Variants in ARHGAP24 observed in about 807,000 individuals in gnomAD.
ARHGAP24 encodes rho GTPase-activating protein 24.
A neutral mutation model predicts 76.4 loss-of-function variants in ARHGAP24; 50 were observed. The observed-to-expected ratio is 0.65, with a 90% confidence interval of 0.52 to 0.83. ARHGAP24 has a LOEUF of 0.83. Ranked by LOEUF, ARHGAP24 falls within the 40% of genes least tolerant of loss-of-function variation. The pLI, the probability that ARHGAP24 is intolerant of heterozygous loss-of-function variation, is 0.00. For synonymous variants in ARHGAP24, 345 were observed against 323.3 expected (o/e 1.07, Z -0.72); for missense variants, 930 against 914.2 (o/e 1.02, Z -0.22).
At chr4:85,708,817 A>C (rs1298097559) in intron 2 of ARHGAP24, among the ~76,000 whole-genome samples, 2 of 152,196 alleles carry the variant, frequency 1.3e-5, no homozygotes, top group Non-Finnish European at 2.9e-5. Context: ...TTATCATTTG[A>C]CAAAATAAAT....
chr4:85,927,733 A>G (rs1736094343), intron 4 of ARHGAP24, among the ~76,000 whole-genome samples: 1 of 152,224 alleles, frequency 6.6e-6, no homozygotes, highest in Admixed American at 6.5e-5. Flanking sequence ...TGTTACAAAG[A>G]GGGCATTTCA....
chr4:85,603,403 T>C (rs776002675), intron 2 of ARHGAP24, among the ~76,000 whole-genome samples: 9 of 152,236 alleles, frequency 5.9e-5, no homozygotes, highest in Non-Finnish European at 1.2e-4. Flanking sequence ...TATAAGAGCT[T>C]ACTAACTTTA....
intron 2 of ARHGAP24, among the ~76,000 whole-genome samples, chr4:85,594,128 A>G (rs1354589970): frequency 6.6e-6 from 1 of 151,532 alleles, no homozygotes; most frequent in African/African-American, 2.4e-5. Context: ...CATTTCTTTC[A>G]GCAGTATTTT....
Position 86,000,784 on chromosome 4 carries a change from A to G in ARHGAP24, c.*62A>G. Reference sequence around the variant, plus strand: ...AGGACTCCAGGGATTCTGGTGGGATATGACTTAGAACCAGGTGGCTGGTCA... The same window carrying G: ...AGGACTCCAGGGATTCTGGTGGGATGTGACTTAGAACCAGGTGGCTGGTCA... On this transcript the variant is annotated 3_prime_UTR_variant, in exon 10 of 10. Transcript: ENST00000395184. 1 of 1,609,706 alleles carries G rather than the reference A, an allele frequency of 6.2e-7. No individual in the cohort carries two copies. Among genetic ancestry groups the G allele is most frequent in the South Asian group, 1.1e-5 (1 of 90,324 alleles).
chr4:85,661,834 A>G (rs1471846786), intron 2 of ARHGAP24, among the ~76,000 whole-genome samples: 1 of 152,138 alleles, frequency 6.6e-6, no homozygotes, highest in Non-Finnish European at 1.5e-5. Context: ...ATGTCCCTAC[A>G]AAGGACATGA....
intron 2 of ARHGAP24, among the ~76,000 whole-genome samples, chr4:85,705,858 G>A (rs914959229): frequency 3.3e-5 from 5 of 152,148 alleles, no homozygotes; most frequent in South Asian, 2.1e-4. Flanking sequence ...TGACAAATAA[G>A]CATAGATTTA....
intron 3 of ARHGAP24, among the ~76,000 whole-genome samples, chr4:85,849,642 G>C (rs1260559872): frequency 6.6e-6 from 1 of 152,190 alleles, no homozygotes; most frequent in Non-Finnish European, 1.5e-5. Context: ...AGTTCATTGA[G>C]AGTTTTTAGC....
chr4:85,478,161 T>C (rs1560502021), intron 1 of ARHGAP24, among the ~76,000 whole-genome samples: 1 of 152,182 alleles, frequency 6.6e-6, no homozygotes, highest in Non-Finnish European at 1.5e-5. Context: ...ACTGATCACA[T>C]TTTATAGAGG....
chr4:85,733,606 C>T (rs1025716444), intron 3 of ARHGAP24, among the ~76,000 whole-genome samples: 6 of 152,100 alleles, frequency 3.9e-5, no homozygotes, highest in Non-Finnish European at 7.4e-5. Context: ...ACATAAGCAA[C>T]AGAAATGTAT....
intron 2 of ARHGAP24, among the ~76,000 whole-genome samples, chr4:85,659,581 A>T (rs1193102171): frequency 6.6e-6 from 1 of 152,172 alleles, no homozygotes; most frequent in African/African-American, 2.4e-5. Context: ...TAGTTCTATT[A>T]CACTATTTGG....
At chr4:85,962,949 A>G (rs1254472343) in intron 5 of ARHGAP24, among the ~76,000 whole-genome samples, 3 of 151,806 alleles carry the variant, frequency 2.0e-5, no homozygotes, top group African/African-American at 7.3e-5. Flanking sequence ...TTTTCATACC[A>G]TAAAACTGAT....
chr4:85,756,145 CTTACAATAGA>C (rs1487301968), intron 3 of ARHGAP24, among the ~76,000 whole-genome samples: 1 of 152,058 alleles, frequency 6.6e-6, no homozygotes, highest in Non-Finnish European at 1.5e-5. Context: ...GGATACATAT[CTTACAATAGA>C]TTACAACAGA....
In ARHGAP24 at chr4:85,585,810, A is replaced by T. The variant is rs199705971; in HGVS notation, c.180+15089A>T. Among the ~76,000 whole-genome samples the T allele has an allele frequency of 3.9e-5, 6 of 152,290 alleles. No homozygotes were observed. The East Asian group carries it at 1.2e-3, about 29-fold the overall frequency. On this transcript the variant is annotated intron_variant, in intron 2 of 9. Coordinates refer to ENST00000395184, the MANE Select transcript of ARHGAP24 (RefSeq NM_001025616.3). ...AGTCCAGTCTGGAGCATGCTGAGAC[A>T]TTAGTCTCTTTTTCCTACCTTTGGT...
rs1441509460 is a variant in ARHGAP24, at chr4:85,572,497, AC to A, written c.180+1777del. 1.5e-3 allele frequency among the ~76,000 whole-genome samples: 224 copies of A among 152,318 alleles called. 2 individuals are homozygous for A. Among genetic ancestry groups the A allele is most frequent in the African/African-American group, 4.9e-3 (205 of 41,572 alleles). Reference sequence around the variant, plus strand: ...GTCTTGGATCCACTGTATCTTCATGACTAGCAGGCACTCTAGTGGTTATATT... The same window carrying A: ...GTCTTGGATCCACTGTATCTTCATGATAGCAGGCACTCTAGTGGTTATATT... On this transcript the variant is annotated intron_variant, in intron 2 of 9. Coordinates refer to ENST00000395184, the MANE Select transcript of ARHGAP24 (RefSeq NM_001025616.3).
intron 3 of ARHGAP24, among the ~76,000 whole-genome samples, chr4:85,861,650 G>A (rs1418076290): frequency 6.6e-6 from 1 of 151,960 alleles, no homozygotes; most frequent in Non-Finnish European, 1.5e-5. Context: ...TTCTTTCCTT[G>A]CTATCTCAGG....
At chr4:85,960,424 C>T (rs1738177857) in intron 5 of ARHGAP24, among the ~76,000 whole-genome samples, 1 of 152,080 alleles carries the variant, frequency 6.6e-6, no homozygotes, top group East Asian at 1.9e-4. Flanking sequence ...GAGGACATCA[C>T]TGTGGATATT....
chr4:85,837,277 G>A (rs1274654669), intron 3 of ARHGAP24, among the ~76,000 whole-genome samples: 1 of 152,138 alleles, frequency 6.6e-6, no homozygotes, highest in Non-Finnish European at 1.5e-5. Context: ...AGTCAGCCTA[G>A]CTAACTGGGT....
chr4:85,860,764 G>C (rs553957304), intron 3 of ARHGAP24, among the ~76,000 whole-genome samples: 1 of 152,114 alleles, frequency 6.6e-6, no homozygotes, highest in Admixed American at 6.6e-5. Context: ...CTATTCATTA[G>C]TTATTAAAAT....
At chr4:85,816,336 A>G (rs1002332045) in intron 3 of ARHGAP24, among the ~76,000 whole-genome samples, 1 of 152,070 alleles carries the variant, frequency 6.6e-6, no homozygotes, top group Admixed American at 6.6e-5. Flanking sequence ...CCTGGCAACC[A>G]CCATTCTATT....
Sources: allele counts gnomAD v4.1 joint callset (sites outside exome capture counted in the v4.1 genomes callset), GRCh38; gene constraint gnomAD v4.1.1; transcripts MANE v1.5; gene names NCBI Gene and HGNC (gene_info 2026-07-23, HGNC 2026-07-21).